The following YES1 variants were observed in gnomAD, a reference collection of about 807,000 sequenced individuals.
YES1 encodes the protein YES proto-oncogene 1, Src family tyrosine kinase.
Under a neutral mutation model 70.4 loss-of-function variants are expected in YES1, and 39 were observed. The ratio of observed to expected loss-of-function variants is 0.55; its 90% CI spans 0.43 to 0.72. The LOEUF (loss-of-function observed/expected upper bound fraction) is 0.72. Ranked by LOEUF, YES1 falls within the 30% of genes least tolerant of loss-of-function variation. YES1 has a pLI of 0.00. For synonymous variants in YES1, 198 were observed against 218.6 expected (o/e 0.91, Z 0.83); for missense variants, 495 against 644.8 (o/e 0.77, Z 2.52).
At chr18:772,636 T>C (rs1905211949) in intron 1 of YES1, among the ~76,000 whole-genome samples, 1 of 152,076 alleles carries the variant, frequency 6.6e-6, no homozygotes, top group African/African-American at 2.4e-5. Flanking sequence ...TTCACCATGT[T>C]GGTCAGGCTG....
At chr18:756,291 G>A (rs1461206959) in intron 2 of YES1, among the ~76,000 whole-genome samples, 2 of 149,222 alleles carry the variant, frequency 1.3e-5, no homozygotes, top group Non-Finnish European at 3.0e-5. Context: ...GTGGGGGGGG[G>A]CTCAATAACT....
At chr18:767,626 T>G (rs114869791) in intron 1 of YES1, among the ~76,000 whole-genome samples, 3,955 of 152,346 alleles carry the variant, frequency 0.026, 181 homozygotes, top group African/African-American at 0.09. Context: ...TCTATTCTCA[T>G]GTCAATGACG....
At chr18:757,576 T>G (rs1904358773) in intron 1 of YES1, among the ~76,000 whole-genome samples, 1 of 150,916 alleles carries the variant, frequency 6.6e-6, no homozygotes, top group Non-Finnish European at 1.5e-5. Flanking sequence ...ATTGTAGCAC[T>G]TTGGGATGCC....
intron 2 of YES1, among the ~76,000 whole-genome samples, chr18:754,149 T>C (rs548573458): frequency 6.6e-6 from 1 of 152,252 alleles, no homozygotes; most frequent in Admixed American, 6.5e-5. Context: ...TCAAATCCTT[T>C]ACTTAATCTC....
At chr18:742,794 C>T in intron 8 of YES1, 124 bp downstream of exon 8, 1 of 690,904 alleles carries the variant, frequency 1.4e-6, no homozygotes, top group South Asian at 5.0e-5. Context: ...TGTCAGGTTT[C>T]TTCTATCCAA....
Position 756,580 on chromosome 18 carries a change from C to A in YES1, c.248G>T (p.Ser83Ile). The A allele has an allele frequency of 6.2e-7, 1 of 1,614,170 alleles. No homozygotes were observed. Among genetic ancestry groups the A allele is most frequent in the Non-Finnish European group, 8.5e-7 (1 of 1,180,040 alleles). ...ACCTGTTAAACCAGCAGGATATGAA[C>A]TTGGCACCACTGAAAATGAGGAAGA... ...GASSSFSVVPSSYPAGLTGGV... is the reference protein window; with the variant it reads ...GASSSFSVVPISYPAGLTGGV... Residue 83 changes from serine to isoleucine, a missense_variant, in exon 2 of 12, where the codon AGT becomes ATT. By Grantham distance (142) the Ser-to-Ile change is moderately radical. Around this residue, in one of 2 missense-constraint regions of YES1, gnomAD observed 110 missense variants for 104.0 expected, o/e 1.06. Transcript: ENST00000314574.
At chr18:744,908 C>A (rs1413878306) in intron 6 of YES1, among the ~76,000 whole-genome samples, 1 of 151,966 alleles carries the variant, frequency 6.6e-6, no homozygotes, top group African/African-American at 2.4e-5. Context: ...TCTGCTTATA[C>A]AATCTTTCTT....
intron 1 of YES1, among the ~76,000 whole-genome samples, chr18:796,543 G>A (rs1906554613): frequency 6.6e-6 from 1 of 152,180 alleles, no homozygotes; most frequent in Non-Finnish European, 1.5e-5. Context: ...ACCGAGGCGG[G>A]CAGATCACAA....
intron 1 of YES1, among the ~76,000 whole-genome samples, chr18:764,018 G>A (rs2145759629): frequency 6.6e-6 from 1 of 151,810 alleles, no homozygotes; most frequent in East Asian, 2.0e-4. Flanking sequence ...TACTCGGGAG[G>A]CTGAGGCAGG....
intron 11 of YES1, among the ~76,000 whole-genome samples, chr18:731,992 C>A (rs2080095904): frequency 1.4e-5 from 2 of 141,454 alleles, no homozygotes; most frequent in Non-Finnish European, 1.5e-5. Flanking sequence ...AAAAAAGTCT[C>A]TTAATTTTGA....
chr18:755,720 C>T (rs2080398053), intron 2 of YES1, among the ~76,000 whole-genome samples: 1 of 152,150 alleles, frequency 6.6e-6, no homozygotes, highest in South Asian at 2.1e-4. Flanking sequence ...AAAGCAGACA[C>T]TCCCAAGGGC....
At chr18:742,078 A>G (rs2080222481) in intron 8 of YES1, among the ~76,000 whole-genome samples, 1 of 152,186 alleles carries the variant, frequency 6.6e-6, no homozygotes, top group Non-Finnish European at 1.5e-5. Flanking sequence ...AGAGGGTGAC[A>G]TAATTAGTGA....
At chr18:805,632 G>C (rs1377564799) in intron 1 of YES1, among the ~76,000 whole-genome samples, 1 of 152,190 alleles carries the variant, frequency 6.6e-6, no homozygotes, top group Non-Finnish European at 1.5e-5. Context: ...AATCTAGATA[G>C]TGTTAGTGCT....
chr18:734,016 C>T (rs924150027), intron 10 of YES1, among the ~76,000 whole-genome samples: 3 of 152,224 alleles, frequency 2.0e-5, no homozygotes, highest in South Asian at 2.1e-4. Flanking sequence ...CAGTGGCTCA[C>T]GCCTATAATC....
chr18:798,688 C>T (rs1906665626), intron 1 of YES1, among the ~76,000 whole-genome samples: 1 of 152,144 alleles, frequency 6.6e-6, no homozygotes, highest in Non-Finnish European at 1.5e-5. Flanking sequence ...CTCTGACCCC[C>T]TCCCTCCACC....
intron 11 of YES1, among the ~76,000 whole-genome samples, chr18:731,322 G>T (rs1163550647): frequency 6.6e-6 from 1 of 152,180 alleles, no homozygotes; most frequent in Non-Finnish European, 1.5e-5. Context: ...AGATGACAAT[G>T]AGTTAAGACA....
intron 11 of YES1, among the ~76,000 whole-genome samples, chr18:731,880 T>C (rs1364430903): frequency 7.2e-6 from 1 of 138,250 alleles, no homozygotes; most frequent in Non-Finnish European, 1.5e-5. Context: ...GGCAGGAGAA[T>C]GGCGTGAAGC....
intron 1 of YES1, among the ~76,000 whole-genome samples, chr18:758,340 T>C (rs1040388560): frequency 6.0e-5 from 9 of 148,824 alleles, no homozygotes; most frequent in Non-Finnish European, 3.0e-5. Flanking sequence ...CAGGACAAAG[T>C]AGATCTATAC....
intron 1 of YES1, among the ~76,000 whole-genome samples, chr18:770,396 A>G (rs2145776231): frequency 6.6e-6 from 1 of 151,126 alleles, no homozygotes; most frequent in East Asian, 1.9e-4. Context: ...GTGACCTCTG[A>G]TGTCTGTCAG....
Sources: allele counts gnomAD v4.1 joint callset (sites outside exome capture counted in the v4.1 genomes callset), GRCh38; gene constraint gnomAD v4.1.1; regional missense constraint gnomAD v4.1.1; transcripts MANE v1.5; gene names NCBI Gene and HGNC (gene_info 2026-07-23, HGNC 2026-07-21).